The following TAFA1 variants were observed in gnomAD, a reference collection of about 807,000 sequenced individuals.
TAFA1 encodes chemokine-like protein TAFA-1.
A neutral mutation model predicts 18.5 loss-of-function variants in TAFA1; 4 were observed. The ratio of observed to expected loss-of-function variants is 0.22; its 90% CI spans 0.11 to 0.49. The LOEUF (loss-of-function observed/expected upper bound fraction) is 0.49. Ranked by LOEUF, TAFA1 falls within the 20% of genes least tolerant of loss-of-function variation. The pLI is 0.98. For synonymous variants in TAFA1, 56 were observed against 55.2 expected (o/e 1.01, Z -0.06); for missense variants, 147 against 169.0 (o/e 0.87, Z 0.72).
At chr3:68,185,690 A>G (rs2106998280) in intron 2 of TAFA1, among the ~76,000 whole-genome samples, 1 of 152,120 alleles carries the variant, frequency 6.6e-6, no homozygotes, top group Middle Eastern at 3.4e-3. Flanking sequence ...CAGATAGCTC[A>G]CTTGAGCTCA....
chr3:68,401,395 C>A (rs146488404), intron 2 of TAFA1, among the ~76,000 whole-genome samples: 53 of 152,252 alleles, frequency 3.5e-4, no homozygotes, highest in Middle Eastern at 3.4e-3. Flanking sequence ...TTGTGAATCG[C>A]AGAAAATCTC....
chr3:68,132,668 T>G (rs533152655), intron 2 of TAFA1, among the ~76,000 whole-genome samples: 7 of 152,370 alleles, frequency 4.6e-5, no homozygotes, highest in African/African-American at 1.7e-4. Flanking sequence ...GTGGCATAAA[T>G]GTCTTCTTTT....
At chr3:68,510,772 T>A (rs919776957) in intron 3 of TAFA1, among the ~76,000 whole-genome samples, 1 of 152,028 alleles carries the variant, frequency 6.6e-6, no homozygotes, top group Non-Finnish European at 1.5e-5. Flanking sequence ...CTTCCCACTG[T>A]CTCTTTTGCA....
At chr3:68,206,392 G>A (rs147423853) in intron 2 of TAFA1, among the ~76,000 whole-genome samples, 2 of 151,840 alleles carry the variant, frequency 1.3e-5, no homozygotes, top group Admixed American at 1.3e-4. Flanking sequence ...TCTCTGATTT[G>A]TCATAAAATA....
At chr3:68,415,512 G>C (rs1227353797) in intron 2 of TAFA1, among the ~76,000 whole-genome samples, 3 of 152,120 alleles carry the variant, frequency 2.0e-5, no homozygotes, top group Non-Finnish European at 4.4e-5. Flanking sequence ...GGGATGGGAG[G>C]TAGGAGTGAG....
chr3:68,386,448 G>C (rs1174411948), intron 2 of TAFA1, among the ~76,000 whole-genome samples: 6 of 152,058 alleles, frequency 3.9e-5, no homozygotes, highest in Non-Finnish European at 8.8e-5. Context: ...ATAGCATGGA[G>C]AGCACATATT....
intron 2 of TAFA1, among the ~76,000 whole-genome samples, chr3:68,215,964 A>C (rs2066651770): frequency 6.6e-6 from 1 of 152,058 alleles, no homozygotes; most frequent in African/African-American, 2.4e-5. Flanking sequence ...CATCCAGTGG[A>C]ATGTTATTCA....
At chr3:68,333,627 T>A (rs961319231) in intron 2 of TAFA1, among the ~76,000 whole-genome samples, 3 of 152,044 alleles carry the variant, frequency 2.0e-5, no homozygotes, top group African/African-American at 7.2e-5. Flanking sequence ...AAAATAACAG[T>A]TTTTTAAAAA....
chr3:68,078,853 T>C (rs1025122733), intron 2 of TAFA1, among the ~76,000 whole-genome samples: 2 of 152,232 alleles, frequency 1.3e-5, no homozygotes, highest in African/African-American at 4.8e-5. Flanking sequence ...ATTCCCTCTT[T>C]TTCTATTGAT....
chr3:67,994,089 T>C, the TAFA1 span, among the ~76,000 whole-genome samples: 1 of 152,180 alleles, frequency 6.6e-6, no homozygotes, highest in Admixed American at 6.6e-5. Flanking sequence ...AACAATCAAA[T>C]TGTATCTATA....
chr3:68,246,247 A>T (rs1171340363), intron 2 of TAFA1, among the ~76,000 whole-genome samples: 1 of 152,118 alleles, frequency 6.6e-6, no homozygotes, highest in Non-Finnish European at 1.5e-5. Flanking sequence ...AATCTCTAAT[A>T]ATCTTGTTCA....
At chr3:68,193,953 G>A (rs940385076) in intron 2 of TAFA1, among the ~76,000 whole-genome samples, 3 of 151,684 alleles carry the variant, frequency 2.0e-5, no homozygotes, top group African/African-American at 7.3e-5. Flanking sequence ...ATATTTTTAA[G>A]CTTTAGGCCT....
chr3:68,456,267 C>G (rs2071664459), intron 3 of TAFA1, among the ~76,000 whole-genome samples: 1 of 152,134 alleles, frequency 6.6e-6, no homozygotes. Flanking sequence ...TGATAAAAAC[C>G]CAACTGCATT....
At position 68,146,991 on chromosome 3, in the gene TAFA1, A is replaced by G. The variant is rs376425006; in HGVS notation, c.118+140247A>G. Among the ~76,000 whole-genome samples the G allele has an allele frequency of 1.1e-4, 16 of 151,766 alleles. No homozygotes were observed. In the East Asian group the frequency reaches 2.9e-3, roughly 27 times the overall value. The stretch of plus-strand genomic sequence containing the variant: ...AGTGGAAAGAGAGAACAAGGACTTT[A>G]AAATACCTCTTGTGTGTGTATATAT... On this transcript the variant is annotated intron_variant, in intron 2 of 4. Coordinates refer to ENST00000478136, the MANE Select transcript of TAFA1 (RefSeq NM_213609.4).
At chr3:68,281,608 T>C (rs1445806317) in intron 2 of TAFA1, among the ~76,000 whole-genome samples, 2 of 151,886 alleles carry the variant, frequency 1.3e-5, no homozygotes, top group African/African-American at 4.8e-5. Flanking sequence ...TAGTCGGGAC[T>C]GCAGGCGCAT....
chr3:68,131,501 G>T (rs187523019), intron 2 of TAFA1, among the ~76,000 whole-genome samples: 29 of 152,304 alleles, frequency 1.9e-4, no homozygotes, highest in African/African-American at 6.7e-4. Context: ...CCACTGCCAT[G>T]CTTCAGCTCT....
At chr3:68,346,243 C>T (rs145711882) in intron 2 of TAFA1, among the ~76,000 whole-genome samples, 2,249 of 152,124 alleles carry the variant, frequency 0.015, 60 homozygotes, top group South Asian at 0.054. Flanking sequence ...TGCAGCCTCA[C>T]CCTCCTAAGC....
intron 2 of TAFA1, among the ~76,000 whole-genome samples, chr3:68,300,451 T>C (rs998598019): frequency 3.9e-5 from 6 of 152,216 alleles, no homozygotes; most frequent in Non-Finnish European, 7.3e-5. Flanking sequence ...TGGAAGTAAC[T>C]AAATTGCATT....
intron 2 of TAFA1, among the ~76,000 whole-genome samples, chr3:68,405,439 G>A (rs2070580876): frequency 6.7e-6 from 1 of 148,894 alleles, no homozygotes; most frequent in African/African-American, 2.6e-5. Context: ...CATGAGAATG[G>A]GAGGATTGCT....
Sources: allele counts gnomAD v4.1 joint callset (sites outside exome capture counted in the v4.1 genomes callset), GRCh38; gene constraint gnomAD v4.1.1; transcripts MANE v1.5; gene names NCBI Gene and HGNC (gene_info 2026-07-23, HGNC 2026-07-21).